SLC39A10: variants seen among roughly 807,000 people sequenced by gnomAD.
The protein encoded by SLC39A10 is solute carrier family 39 member 10, also known as zinc transporter ZIP10.
In SLC39A10, 13 loss-of-function variants were observed where a neutral mutation model predicts 65.1. The observed-to-expected ratio is 0.20, with a 90% CI of 0.13 to 0.32. The LOEUF is 0.32. SLC39A10 is among the 10% of genes least tolerant of loss of function. The pLI, the probability that SLC39A10 is intolerant of heterozygous loss-of-function variation, is 1.00. For missense variants in SLC39A10, 831 were observed against 1,018.4 expected (o/e 0.82, Z 2.50); for synonymous variants, 321 against 342.2 (o/e 0.94, Z 0.68).
At chr2:195,713,626 A>G (rs1256466929) in intron 6 of SLC39A10, 73 bp downstream of exon 6, 31 of 1,410,648 alleles carry the variant, frequency 2.2e-5, no homozygotes, top group Non-Finnish European at 1.9e-6. Context: ...TTTAATTTCT[A>G]TTTACATTCA....
upstream of SLC39A10, among the ~76,000 whole-genome samples, chr2:195,656,494 T>C (rs1272997627): frequency 1.3e-5 from 2 of 152,166 alleles, no homozygotes; most frequent in Non-Finnish European, 2.9e-5. Context: ...CCTTGGAAAG[T>C]TGCCAAAAGC....
chr2:195,696,328 A>AAC (rs1222205654), intron 3 of SLC39A10, among the ~76,000 whole-genome samples: 2 of 151,832 alleles, frequency 1.3e-5, no homozygotes, highest in East Asian at 3.9e-4. Context: ...TGAAAAAAAA[A>AAC]AAAAAAACCT....
chr2:195,650,707 A>AT (rs2105713177), intron 2 of SLC39A10, among the ~76,000 whole-genome samples: 1 of 152,076 alleles, frequency 6.6e-6, no homozygotes. Context: ...TCTCCAATCT[A>AT]TTTTTGTCTC....
chr2:195,677,177 G>A (rs1278719691), intron 1 of SLC39A10, among the ~76,000 whole-genome samples: 1 of 152,158 alleles, frequency 6.6e-6, no homozygotes, highest in Non-Finnish European at 1.5e-5. Flanking sequence ...AACTACTACT[G>A]ATATCAGGAA....
At chr2:195,668,948 G>A (rs1023333010) in intron 1 of SLC39A10, among the ~76,000 whole-genome samples, 5 of 151,878 alleles carry the variant, frequency 3.3e-5, no homozygotes, top group Non-Finnish European at 4.4e-5. Context: ...CCAGGCAGGC[G>A]CCTGTAATCC....
At chr2:195,632,456 C>T (rs1315437571) in intron 2 of SLC39A10, among the ~76,000 whole-genome samples, 2 of 151,776 alleles carry the variant, frequency 1.3e-5, no homozygotes, top group Admixed American at 6.6e-5. Flanking sequence ...CTTGCCACCA[C>T]GCCTGGTTAA....
rs532057519 is a variant in SLC39A10 at position 195,736,766 on chromosome 2, T to C, written c.*1725T>C. 2.0e-5 allele frequency: 3 copies of C among 152,704 alleles called. No homozygotes were observed. The highest frequency in any genetic ancestry group is 7.2e-5 in the African/African-American group (3 of 41,560). The allele number at this position is 152,704 out of a possible 1,614,324, so 9.5% of individuals were successfully genotyped here. A position where few individuals can be genotyped will look rare whatever the true frequency, so the allele number is the denominator to read the frequency against. On this transcript the variant is annotated 3_prime_UTR_variant, in exon 10 of 10. Transcript: ENST00000359634. ...GTAGAAGTTTTATATATAATTAATT[T>C]TCAGCATTGGGCACTGAATTAGGAC...
chr2:195,698,125 T>C (rs1394298135), intron 3 of SLC39A10, among the ~76,000 whole-genome samples: 1 of 152,156 alleles, frequency 6.6e-6, no homozygotes, highest in African/African-American at 2.4e-5. Flanking sequence ...TTTGTTTTTT[T>C]TAAACAGCAG....
Position 195,736,715 on chromosome 2 carries a change from C to T in SLC39A10, c.*1674C>T, listed in dbSNP as rs549005681. 6.6e-6 allele frequency: 1 copy of T among 152,422 alleles called. No individual in the cohort carries two copies. The highest frequency in any genetic ancestry group is 1.5e-5 in the Non-Finnish European group (1 of 68,002). The allele number at this position is 152,422 out of a possible 1,614,324, so 9.4% of individuals were successfully genotyped here. On this transcript the variant is annotated 3_prime_UTR_variant, in exon 10 of 10. Coordinates refer to ENST00000359634, the MANE Select transcript of SLC39A10 (RefSeq NM_020342.3). ...CTTGAATCTGAAAAATTATTTCTGA[C>T]TTACTCCATGGCCTCCTTATAATAA...
Position 195,657,230 on chromosome 2 carries a change from C to A in SLC39A10, c.-63C>A. 4.1e-6 allele frequency: 1 copy of A among 241,704 alleles called. No individual in the cohort carries two copies. The highest frequency in any genetic ancestry group is 6.7e-6 in the Non-Finnish European group (1 of 149,958). 15.0% of individuals were successfully genotyped at this position (241,704 alleles called of 1,614,324 possible). On this transcript the variant is annotated 5_prime_UTR_variant, in exon 1 of 10. Coordinates refer to ENST00000359634, the MANE Select transcript of SLC39A10 (RefSeq NM_020342.3). Reference sequence around the variant, plus strand: ...TTGGTGAATACACGATTTGGTGCAGCCGGGGTTTGGTACCGAGCGGAGAGG... The same window carrying A: ...TTGGTGAATACACGATTTGGTGCAGACGGGGTTTGGTACCGAGCGGAGAGG...
In SLC39A10 at chr2:195,666,722, A is replaced by G. The variant is rs1459207743; in HGVS notation, c.-12+9441A>G. 2.6e-5 allele frequency among the ~76,000 whole-genome samples: 4 copies of G among 152,218 alleles called. No homozygotes were observed. In the South Asian group the frequency reaches 8.3e-4, roughly 32 times the overall value. On this transcript the variant is annotated intron_variant, in intron 1 of 9. Transcript: ENST00000359634. ...AGCCATATGCCTGCTTTGGTCTCCC[A>G]AAGTGCTGGGATTACAGGTGTGAGC...
In SLC39A10 at chr2:195,717,677, C is replaced by T. The variant is rs577403606; in HGVS notation, c.2066-575C>T. Among the ~76,000 whole-genome samples, 3 of 152,184 alleles carry T rather than the reference C, an allele frequency of 2.0e-5. No homozygotes were observed. In the East Asian group the frequency reaches 5.8e-4, roughly 29 times the overall value. On this transcript the variant is annotated intron_variant, in intron 7 of 9. Transcript: ENST00000359634. ...TCAAGCAACCCTTCTGCCTCAGCCTCCCAAAGTGCTAGGATTACAGGCATG... is the reference window on the plus strand; with the variant it reads ...TCAAGCAACCCTTCTGCCTCAGCCTTCCAAAGTGCTAGGATTACAGGCATG...
chr2:195,615,791 T>C (rs896602344), intron 2 of SLC39A10, among the ~76,000 whole-genome samples: 2 of 152,244 alleles, frequency 1.3e-5, no homozygotes, highest in African/African-American at 2.4e-5. Flanking sequence ...TCTTCAGATA[T>C]ATAATACATT....
At position 195,680,169 on chromosome 2, in the gene SLC39A10, A is replaced by G. The variant is rs759492361; in HGVS notation, c.127A>G (p.Met43Val). 1 of 1,614,182 alleles carries G rather than the reference A, an allele frequency of 6.2e-7. No homozygotes were observed. Among genetic ancestry groups the G allele is most frequent in the Non-Finnish European group, 8.5e-7 (1 of 1,180,040 alleles). The change falls in exon 2 of 10, where the codon ATG becomes GTG. Residue 43 changes from methionine to valine, a missense_variant. Around this residue, in one of 4 missense-constraint regions of SLC39A10, gnomAD observed 446 missense variants for 499.2 expected, o/e 0.89. Coordinates refer to ENST00000359634, the MANE Select transcript of SLC39A10 (RefSeq NM_020342.3). Reference protein sequence around the residue: ...PEALHRQHRGMTELEPSKFSK... With the variant: ...PEALHRQHRGVTELEPSKFSK... ...AGCGCTTCACAGACAGCATCGTGGA[A>G]TGACAGAATTGGAGCCAAGCAAATT...
chr2:195,644,875 T>C (rs1238967111), intron 2 of SLC39A10, among the ~76,000 whole-genome samples: 1 of 142,306 alleles, frequency 7.0e-6, no homozygotes, highest in Non-Finnish European at 1.5e-5. Context: ...GCCTCACCCA[T>C]GACCAATCTA....
chr2:195,676,759 T>A (rs1398082098), intron 1 of SLC39A10, among the ~76,000 whole-genome samples: 3 of 152,146 alleles, frequency 2.0e-5, no homozygotes, highest in Admixed American at 6.5e-5. Flanking sequence ...TGTCCTTGGG[T>A]TTTTGCTTTT....
intron 2 of SLC39A10, among the ~76,000 whole-genome samples, chr2:195,615,687 C>T (rs1196382025): frequency 6.6e-6 from 1 of 152,130 alleles, no homozygotes; most frequent in African/African-American, 2.4e-5. Flanking sequence ...TTGCCTGGCC[C>T]CTAGAGACAT....
rs184006806 is a variant in SLC39A10, at chr2:195,703,485, C to T, written c.1217-3131C>T. On this transcript the variant is annotated intron_variant, in intron 3 of 9. Transcript: ENST00000359634. ...TAGAATTTAGGTCTTTTTTTTTAGT[C>T]AGTTAAAAATCTTTTGAAGGTAGTC... is the stretch of plus-strand genomic sequence containing the variant. Among the ~76,000 whole-genome samples, 73 of 151,452 alleles carry T rather than the reference C, an allele frequency of 4.8e-4. 2 individuals carry two copies. Among genetic ancestry groups the T allele is most frequent in the African/African-American group, 1.7e-3 (72 of 41,304 alleles).
At chr2:195,640,117 C>A (rs1688774900) in intron 2 of SLC39A10, among the ~76,000 whole-genome samples, 1 of 152,122 alleles carries the variant, frequency 6.6e-6, no homozygotes, top group African/African-American at 2.4e-5. Context: ...TCAATGATGA[C>A]TCTTGGGAGA....
Sources: allele counts gnomAD v4.1 joint callset (sites outside exome capture counted in the v4.1 genomes callset), GRCh38; gene constraint gnomAD v4.1.1; regional missense constraint gnomAD v4.1.1; transcripts MANE v1.5; gene names NCBI Gene and HGNC (gene_info 2026-07-23, HGNC 2026-07-21).